The following CTNNA3 variants were observed in gnomAD, a reference collection of about 807,000 sequenced individuals.
CTNNA3 encodes catenin alpha-3.
In CTNNA3, 76 loss-of-function variants were observed where a neutral mutation model predicts 95.7. The observed-to-expected ratio is 0.79, with a 90% CI of 0.66 to 0.96. CTNNA3 has a LOEUF of 0.96. Among genes scored for constraint, CTNNA3 ranks in the 40% least tolerant of loss-of-function variants. CTNNA3 has a pLI of 0.00. For synonymous variants in CTNNA3, 431 were observed against 374.4 expected (o/e 1.15, Z -1.74); for missense variants, 1,191 against 1,089.8 (o/e 1.09, Z -1.31).
intron 5 of CTNNA3, among the ~76,000 whole-genome samples, chr10:67,285,735 G>A (rs1463078218): frequency 1.3e-5 from 2 of 152,104 alleles, no homozygotes; most frequent in Non-Finnish European, 2.9e-5. Context: ...TGTGGCCTAG[G>A]AATATGTTTT....
At chr10:67,660,738 T>G (rs1005864495) in intron 1 of CTNNA3, among the ~76,000 whole-genome samples, 4 of 152,086 alleles carry the variant, frequency 2.6e-5, no homozygotes, top group African/African-American at 9.7e-5. Flanking sequence ...GAGACCATCC[T>G]GGCTAACACA....
chr10:66,445,889 G>C (rs753517033), intron 11 of CTNNA3, among the ~76,000 whole-genome samples: 1 of 152,078 alleles, frequency 6.6e-6, no homozygotes, highest in East Asian at 1.9e-4. Context: ...CCAGGAGCTG[G>C]TTTTTTGAAA....
intron 11 of CTNNA3, among the ~76,000 whole-genome samples, chr10:66,409,402 C>CAAA (rs71957917): frequency 7.2e-6 from 1 of 138,342 alleles, no homozygotes; most frequent in Non-Finnish European, 1.6e-5. Flanking sequence ...TAACTGTTCC[C>CAAA]AAAAAAAAAA....
chr10:66,201,783 C>CTTTTTTTTTTTTT (rs1236010501), intron 13 of CTNNA3, among the ~76,000 whole-genome samples: 17 of 79,370 alleles, frequency 2.1e-4, no homozygotes, highest in East Asian at 3.9e-4. Context: ...TTTACTTTTT[C>CTTTTTTTTTTTTT]TTTTTTTTTT....
intron 3 of CTNNA3, among the ~76,000 whole-genome samples, chr10:67,589,816 T>C (rs1207646040): frequency 6.6e-6 from 1 of 152,146 alleles, no homozygotes. Flanking sequence ...TCAAGTAAAT[T>C]TCAACCAAGT....
intron 13 of CTNNA3, among the ~76,000 whole-genome samples, chr10:66,171,985 G>T (rs1034910586): frequency 6.6e-6 from 1 of 152,088 alleles, no homozygotes; most frequent in African/African-American, 2.4e-5. Flanking sequence ...TTCGCTAATG[G>T]AATTAGGAAC....
intron 7 of CTNNA3, among the ~76,000 whole-genome samples, chr10:67,009,052 T>G (rs1293833566): frequency 6.6e-6 from 1 of 152,150 alleles, no homozygotes; most frequent in Non-Finnish European, 1.5e-5. Context: ...GTGGGAAAAC[T>G]AACCTCATTT....
At chr10:65,961,077 C>G (rs1165921882) in intron 17 of CTNNA3, among the ~76,000 whole-genome samples, 5 of 152,090 alleles carry the variant, frequency 3.3e-5, no homozygotes, top group African/African-American at 1.2e-4. Context: ...GGTTCATTCT[C>G]TTCTGGTCGC....
intron 1 of CTNNA3, among the ~76,000 whole-genome samples, chr10:67,711,420 C>A (rs1424191075): frequency 6.6e-6 from 1 of 152,130 alleles, no homozygotes; most frequent in African/African-American, 2.4e-5. Context: ...GAAATCCAGT[C>A]TGAGGTGGTC....
intron 5 of CTNNA3, among the ~76,000 whole-genome samples, chr10:67,240,149 T>A (rs1051975052): frequency 6.6e-6 from 1 of 152,204 alleles, no homozygotes; most frequent in Non-Finnish European, 1.5e-5. Flanking sequence ...AAAACCACTC[T>A]GGTAAGGGAA....
At chr10:66,483,517 A>G (rs1457074111) in intron 11 of CTNNA3, among the ~76,000 whole-genome samples, 2 of 152,170 alleles carry the variant, frequency 1.3e-5, no homozygotes, top group Admixed American at 1.3e-4. Context: ...ATTATCAACT[A>G]CAATCTCAAA....
chr10:66,092,261 T>C (rs571007026), intron 14 of CTNNA3, among the ~76,000 whole-genome samples: 2 of 152,140 alleles, frequency 1.3e-5, no homozygotes, highest in Non-Finnish European at 2.9e-5. Flanking sequence ...AGCAATGGTT[T>C]TTAACTTTCT....
intron 13 of CTNNA3, among the ~76,000 whole-genome samples, chr10:66,144,857 A>C (rs1311090583): frequency 6.6e-6 from 1 of 152,216 alleles, no homozygotes; most frequent in Non-Finnish European, 1.5e-5. Flanking sequence ...TATATGGAGA[A>C]GTCTCAATAC....
chr10:65,937,770 C>T (rs2077366551), intron 17 of CTNNA3, among the ~76,000 whole-genome samples: 1 of 152,098 alleles, frequency 6.6e-6, no homozygotes, highest in Admixed American at 6.6e-5. Context: ...TGATTGTTGG[C>T]TCACATTTAA....
chr10:67,120,049 A>G (rs1399612417), intron 7 of CTNNA3, among the ~76,000 whole-genome samples: 1 of 151,948 alleles, frequency 6.6e-6, no homozygotes, highest in Non-Finnish European at 1.5e-5. Context: ...TCTGAATCAG[A>G]CCTTAAACTA....
chr10:66,159,884 A>G (rs1164742939), intron 13 of CTNNA3, among the ~76,000 whole-genome samples: 2 of 151,688 alleles, frequency 1.3e-5, no homozygotes, highest in African/African-American at 4.8e-5. Flanking sequence ...AGGGTATCTA[A>G]TTTGTCCTGA....
At chr10:67,228,895 A>G (rs1355961414) in intron 5 of CTNNA3, among the ~76,000 whole-genome samples, 2 of 152,196 alleles carry the variant, frequency 1.3e-5, no homozygotes, top group African/African-American at 4.8e-5. Context: ...CAGACATTCA[A>G]AGAATTAGTA....
chr10:66,325,326 T>G (rs1279096575), intron 12 of CTNNA3, among the ~76,000 whole-genome samples: 1 of 152,024 alleles, frequency 6.6e-6, no homozygotes, highest in Non-Finnish European at 1.5e-5. Context: ...AATGACAGAT[T>G]TGATTTTACC....
intron 11 of CTNNA3, among the ~76,000 whole-genome samples, chr10:66,506,438 TCA>T (rs78357088): frequency 0.33 from 50,842 of 151,932 alleles, 10,036 homozygotes; most frequent in Non-Finnish European, 0.43. Context: ...CCTTGAATTT[TCA>T]CAGTTTTTCC....
Sources: allele counts gnomAD v4.1 joint callset (sites outside exome capture counted in the v4.1 genomes callset), GRCh38; gene constraint gnomAD v4.1.1; transcripts MANE v1.5; gene names NCBI Gene and HGNC (gene_info 2026-07-23, HGNC 2026-07-21).